The following TRIM44 variants were observed in gnomAD, a reference collection of about 807,000 sequenced individuals.
TRIM44 encodes tripartite motif-containing protein 44.
Under a neutral mutation model 37.4 loss-of-function variants are expected in TRIM44, and 13 were observed. That is an observed-to-expected ratio of 0.35 (90% CI 0.23 to 0.55). The LOEUF (loss-of-function observed/expected upper bound fraction) is 0.55. Ranked by LOEUF, TRIM44 falls within the 20% of genes least tolerant of loss-of-function variation. TRIM44 has a pLI of 0.89. For synonymous variants in TRIM44, 175 were observed against 157.2 expected, an observed-to-expected ratio of 1.11 and a Z score of -0.85; for missense variants, 426 against 437.2, an observed-to-expected ratio of 0.97 and a Z score of 0.23.
At chr11:35,677,872 T>C (rs1214123055) in intron 1 of TRIM44, among the ~76,000 whole-genome samples, 1 of 152,074 alleles carries the variant, frequency 6.6e-6, no homozygotes, top group Non-Finnish European at 1.5e-5. Context: ...GGGAAGGAGA[T>C]AGGGAGTGAC....
At chr11:35,696,815 C>T (rs1443091532) in intron 2 of TRIM44, among the ~76,000 whole-genome samples, 2 of 151,272 alleles carry the variant, frequency 1.3e-5, no homozygotes, top group East Asian at 4.0e-4. Context: ...CCATTGCACT[C>T]CAGCCTGAGC....
chr11:35,710,249 A>G (rs1159415047), intron 2 of TRIM44, among the ~76,000 whole-genome samples: 1 of 152,186 alleles, frequency 6.6e-6, no homozygotes, highest in Non-Finnish European at 1.5e-5. Context: ...CTTTATATAT[A>G]TATAGAGAGA....
intron 4 of TRIM44, among the ~76,000 whole-genome samples, chr11:35,768,375 C>T (rs767471891): frequency 3.3e-5 from 5 of 152,154 alleles, no homozygotes; most frequent in Non-Finnish European, 5.9e-5. Context: ...GAAGGTCACA[C>T]AGCTAGTTGA....
At chr11:35,710,398 A>T (rs1228259213) in intron 2 of TRIM44, among the ~76,000 whole-genome samples, 2 of 152,232 alleles carry the variant, frequency 1.3e-5, no homozygotes, top group Non-Finnish European at 2.9e-5. Context: ...TCTACCCTTC[A>T]GCATTCTTAG....
intron 2 of TRIM44, among the ~76,000 whole-genome samples, chr11:35,703,062 C>T (rs7129578): frequency 0.011 from 1,623 of 152,326 alleles, 31 homozygotes; most frequent in African/African-American, 0.037. Context: ...CCTAATACCG[C>T]GCTTTTCCGA....
rs79763757 is a variant in TRIM44 at position 35,791,371 on chromosome 11, A to G, written c.1008-14987A>G. ...GAGTGTCACACAGAACACAGCCTGTATATTTTAAGCATAGCCCTTGTTCAC... is the reference window on the plus strand; with the variant it reads ...GAGTGTCACACAGAACACAGCCTGTGTATTTTAAGCATAGCCCTTGTTCAC... On this transcript the variant is annotated intron_variant, in intron 4 of 4. Transcript: ENST00000299413. 5.6e-3 allele frequency among the ~76,000 whole-genome samples: 845 copies of G among 152,242 alleles called. 5 individuals carry two copies. Among genetic ancestry groups the G allele is most frequent in the Non-Finnish European group, 8.4e-3 (573 of 68,018 alleles).
intron 4 of TRIM44, among the ~76,000 whole-genome samples, chr11:35,770,828 C>T (rs1042833063): frequency 6.6e-6 from 1 of 152,062 alleles, no homozygotes; most frequent in Non-Finnish European, 1.5e-5. Context: ...CTTGTGGTAG[C>T]GAATAAGTCT....
intron 1 of TRIM44, among the ~76,000 whole-genome samples, chr11:35,668,952 TA>T (rs1851362018): frequency 6.6e-6 from 1 of 152,246 alleles, no homozygotes; most frequent in Non-Finnish European, 1.5e-5. Flanking sequence ...CTGTCTTAGC[TA>T]TTCCTTTAAG....
intron 4 of TRIM44, among the ~76,000 whole-genome samples, chr11:35,754,678 C>T (rs565745093): frequency 2.9e-5 from 4 of 139,434 alleles, no homozygotes; most frequent in Admixed American, 1.4e-4. Context: ...CAGCAGGCCC[C>T]GGTGTGTGAT....
At position 35,779,762 on chromosome 11, in the gene TRIM44, GT is replaced by G. The variant is rs372152875; in HGVS notation, c.1008-26587del. Among the ~76,000 whole-genome samples, 12 of 150,734 alleles carry G rather than the reference GT, an allele frequency of 8.0e-5. No homozygotes were observed. The South Asian group carries it at 2.3e-3, about 29-fold the overall frequency. On this transcript the variant is annotated intron_variant, in intron 4 of 4. Coordinates refer to ENST00000299413, the MANE Select transcript of TRIM44 (RefSeq NM_017583.6). ...TCTTGTGTTTAAATCTTTAATCTGAGTTTTTTTTTGTATATGGTAAAAGGTA... is the reference window on the plus strand; with the variant it reads ...TCTTGTGTTTAAATCTTTAATCTGAGTTTTTTTTGTATATGGTAAAAGGTA...
At chr11:35,673,049 A>G (rs1371687384) in intron 1 of TRIM44, among the ~76,000 whole-genome samples, 3 of 152,208 alleles carry the variant, frequency 2.0e-5, no homozygotes, top group African/African-American at 7.2e-5. Context: ...TAACCTGTAA[A>G]AAGTCTTGGA....
intron 1 of TRIM44, among the ~76,000 whole-genome samples, chr11:35,675,509 A>G (rs193052705): frequency 2.0e-5 from 3 of 152,272 alleles, no homozygotes; most frequent in East Asian, 3.9e-4. Flanking sequence ...AAGTTCCAGA[A>G]TGACAGACAT....
At chr11:35,795,222 G>A (rs1460439072) in intron 4 of TRIM44, among the ~76,000 whole-genome samples, 1 of 152,098 alleles carries the variant, frequency 6.6e-6, no homozygotes, top group East Asian at 1.9e-4. Context: ...GAATCTGTGG[G>A]CTATGGACTT....
At chr11:35,762,899 A>G (rs1476693033) in intron 4 of TRIM44, among the ~76,000 whole-genome samples, 1 of 152,206 alleles carries the variant, frequency 6.6e-6, no homozygotes, top group Non-Finnish European at 1.5e-5. Flanking sequence ...TGATAATAGT[A>G]TCTAAAGTAA....
chr11:35,729,204 G>A (rs1379233239), intron 3 of TRIM44, among the ~76,000 whole-genome samples: 1 of 152,024 alleles, frequency 6.6e-6, no homozygotes, highest in Admixed American at 6.6e-5. Flanking sequence ...GCCTGCTTCT[G>A]GAAGCAAACA....
intron 2 of TRIM44, among the ~76,000 whole-genome samples, chr11:35,688,114 C>T (rs1344298467): frequency 6.6e-6 from 1 of 152,194 alleles, no homozygotes. Flanking sequence ...CACAGAGCCC[C>T]ACCATCCCCT....
chr11:35,737,691 C>T (rs539842567), intron 4 of TRIM44, among the ~76,000 whole-genome samples: 1 of 152,104 alleles, frequency 6.6e-6, no homozygotes, highest in African/African-American at 2.4e-5. Context: ...CAAAAATTAG[C>T]CAAGGGTGGT....
At chr11:35,730,758 G>A (rs1331493127) in intron 3 of TRIM44, among the ~76,000 whole-genome samples, 1 of 151,278 alleles carries the variant, frequency 6.6e-6, no homozygotes, top group Non-Finnish European at 1.5e-5. Flanking sequence ...AATATTTTCA[G>A]TACTATTGAA....
chr11:35,791,150 A>G (rs1853204481), intron 4 of TRIM44, among the ~76,000 whole-genome samples: 1 of 151,984 alleles, frequency 6.6e-6, no homozygotes, highest in South Asian at 2.1e-4. Flanking sequence ...GCAAGTGTCC[A>G]TTTGCTCCAG....
Sources: gnomAD v4.1 joint callset for allele counts (sites outside exome capture counted in the v4.1 genomes callset) on GRCh38, gnomAD v4.1.1 for gene constraint, MANE v1.5 for transcripts, NCBI Gene and HGNC (gene_info 2026-07-23, HGNC 2026-07-21) for gene names.